The following VPS8 variants were observed in gnomAD, a reference collection of about 807,000 sequenced individuals.
The protein encoded by VPS8 is VPS8 subunit of CORVET complex, also known as vacuolar protein sorting-associated protein 8 homolog.
VPS8 carries 129 observed loss-of-function variants against 216.4 expected under a neutral mutation model. The ratio of observed to expected loss-of-function variants is 0.60; its 90% CI spans 0.52 to 0.69. The LOEUF is 0.69. Among genes scored for constraint, VPS8 ranks in the 30% least tolerant of loss-of-function variants. VPS8 has a pLI of 0.00. For missense variants in VPS8, 1,531 were observed against 1,683.5 expected (o/e 0.91, Z 1.59); for synonymous variants, 571 against 565.4 (o/e 1.01, Z -0.14).
intron 34 of VPS8, among the ~76,000 whole-genome samples, chr3:184,931,848 G>T (rs760719824): frequency 4.6e-5 from 7 of 151,814 alleles, no homozygotes; most frequent in Non-Finnish European, 7.4e-5. Flanking sequence ...GTTATATTAT[G>T]ATTCAGTTCT....
rs567532811 is a variant in VPS8, at chr3:184,840,058, G to A, written c.535+306G>A. The A allele has an allele frequency of 3.9e-5, 13 of 329,872 alleles. No homozygotes were observed. In the East Asian group the frequency reaches 8.0e-4, roughly 20 times the overall value. The allele number at this position is 329,872 out of a possible 1,614,324, so 20.4% of individuals were successfully genotyped here. On this transcript the variant is annotated intron_variant, in intron 7 of 47. Coordinates refer to ENST00000625842, the MANE Select transcript of VPS8 (RefSeq NM_001009921.3). ...TTGGGTTATCATCTTGTCTGCCTCC[G>A]GTTGTTGGTGGTGGGGATTTTTGAT...
intron 1 of VPS8, among the ~76,000 whole-genome samples, chr3:184,815,090 G>GT (rs1716019819): frequency 6.6e-6 from 1 of 152,120 alleles, no homozygotes; most frequent in Non-Finnish European, 1.5e-5. Context: ...TTTAGAGGCA[G>GT]TAACACATAG....
chr3:184,852,770 T>G (rs1380817850), intron 11 of VPS8, among the ~76,000 whole-genome samples: 2 of 152,188 alleles, frequency 1.3e-5, no homozygotes, highest in Non-Finnish European at 2.9e-5. Flanking sequence ...TCAGTAGGTC[T>G]GAGTTGAGAT....
At chr3:184,829,766 A>G (rs1719597128) in intron 3 of VPS8, among the ~76,000 whole-genome samples, 1 of 152,194 alleles carries the variant, frequency 6.6e-6, no homozygotes. Flanking sequence ...GTATTTCCCT[A>G]AAGACTAATG....
At chr3:184,953,733 T>A (rs1576965642) in intron 36 of VPS8, among the ~76,000 whole-genome samples, 1 of 152,318 alleles carries the variant, frequency 6.6e-6, no homozygotes, top group Non-Finnish European at 1.5e-5. Flanking sequence ...GTAAGCTGTT[T>A]CTTTGTTATC....
intron 46 of VPS8, among the ~76,000 whole-genome samples, chr3:185,034,824 G>A (rs1758663052): frequency 6.6e-6 from 1 of 151,858 alleles, no homozygotes; most frequent in Non-Finnish European, 1.5e-5. Context: ...TGATTCTTTG[G>A]AAAAGTAAAC....
In VPS8 at chr3:184,913,365, A is replaced by G. The variant is rs540639080; in HGVS notation, c.2147-154A>G. Among the ~76,000 whole-genome samples the G allele has an allele frequency of 1.1e-4, 16 of 152,328 alleles. No individual in the cohort carries two copies. The East Asian group carries it at 2.9e-3, about 28-fold the overall frequency. On this transcript the variant is annotated intron_variant, in intron 25 of 47. Transcript: ENST00000625842. ...GTGACAAGAATCTAATGGAAACTCA[A>G]AAGCCAATAAAGTGGTCTTAACTTC...
At position 184,842,186 on chromosome 3, in the gene VPS8, C is replaced by CAAAAAAAAAAAA. The variant is rs71162267; in HGVS notation, c.536-1042_536-1031dup. On this transcript the variant is annotated intron_variant, in intron 7 of 47. Transcript: ENST00000625842. Reference sequence around the variant, plus strand: ...TGGGTGACAGAGCGAGACTCCGTCTCAAAAAAAAAAAAAAAAAAAAAAAGA... The same window carrying CAAAAAAAAAAAA: ...TGGGTGACAGAGCGAGACTCCGTCTCAAAAAAAAAAAAAAAAAAAAAAAAAAAAAAAAAAAGA... 4.8e-3 allele frequency among the ~76,000 whole-genome samples: 233 copies of CAAAAAAAAAAAA among 48,932 alleles called. 14 individuals carry two copies. Among genetic ancestry groups the CAAAAAAAAAAAA allele is most frequent in the Middle Eastern group, 0.013 (1 of 78 alleles). 32.1% of individuals were successfully genotyped at this position (48,932 alleles called of 152,430 possible).
chr3:185,046,754 A>G (rs1713009630), intron 46 of VPS8, among the ~76,000 whole-genome samples: 1 of 152,228 alleles, frequency 6.6e-6, no homozygotes, highest in Admixed American at 6.5e-5. Context: ...AGAAACTGAG[A>G]CTGAGAGAAG....
At chr3:184,898,107 C>A (rs1733844836) in intron 23 of VPS8, among the ~76,000 whole-genome samples, 1 of 151,440 alleles carries the variant, frequency 6.6e-6, no homozygotes, top group South Asian at 2.1e-4. Context: ...GAGTATCTTC[C>A]CCAAGTCTTA....
intron 5 of VPS8, among the ~76,000 whole-genome samples, chr3:184,835,466 A>C (rs1020218751): frequency 1.3e-5 from 2 of 152,148 alleles, no homozygotes; most frequent in African/African-American, 4.8e-5. Flanking sequence ...AACGATATTT[A>C]ATGGTCCATA....
At chr3:184,853,472 A>C (rs1724685593) in intron 11 of VPS8, among the ~76,000 whole-genome samples, 1 of 152,224 alleles carries the variant, frequency 6.6e-6, no homozygotes, top group Middle Eastern at 3.2e-3. Flanking sequence ...GGCAGAGACC[A>C]TTCAGACACA....
intron 28 of VPS8, among the ~76,000 whole-genome samples, chr3:184,915,855 A>G (rs1737470651): frequency 6.6e-6 from 1 of 152,168 alleles, no homozygotes. Context: ...GAAAAATCCC[A>G]TAATTCTTAT....
In VPS8 at chr3:184,853,852, T is replaced by C. The variant is rs772252940; in HGVS notation, c.822-5T>C. ...TGATTCTGAATTTTCAAATTGCATTTTCAGGAGAGTGATGGGAGTGAGAAC... is the reference window on the plus strand; with the variant it reads ...TGATTCTGAATTTTCAAATTGCATTCTCAGGAGAGTGATGGGAGTGAGAAC... On this transcript the variant is annotated splice_polypyrimidine_tract_variant and splice_region_variant and intron_variant, in intron 11 of 47. Transcript: ENST00000625842. The C allele has an allele frequency of 2.2e-5, 34 of 1,562,670 alleles. No homozygotes were observed. In the Middle Eastern group the frequency reaches 3.7e-3, roughly 169 times the overall value.
At chr3:185,001,300 G>A (rs1211988581) in intron 45 of VPS8, among the ~76,000 whole-genome samples, 3 of 152,188 alleles carry the variant, frequency 2.0e-5, no homozygotes, top group African/African-American at 7.2e-5. Flanking sequence ...AAAGTACTCA[G>A]GCTACCTACT....
intron 40 of VPS8, 37 bp from the exon 41 acceptor site, chr3:184,982,529 C>T: frequency 2.0e-6 from 3 of 1,489,478 alleles, no homozygotes; most frequent in South Asian, 1.2e-5. Flanking sequence ...TTTCTTTGAC[C>T]ACTTTTCTTT....
At position 184,894,729 on chromosome 3, in the gene VPS8, A is replaced by G. The variant is rs1328820446; in HGVS notation, c.1808A>G (p.Asp603Gly). 1 of 1,605,346 alleles carries G rather than the reference A, an allele frequency of 6.2e-7. No individual in the cohort carries two copies. Among genetic ancestry groups the G allele is most frequent in the Non-Finnish European group, 8.5e-7 (1 of 1,175,326 alleles). Residue 603 changes from aspartate (D) to glycine (G), a missense_variant, in exon 23 of 48, where the codon GAT becomes GGT. Physicochemically the swap from Asp to Gly is moderately conservative, Grantham distance 94 (BLOSUM62 -1). Around this residue, in one of 3 missense-constraint regions of VPS8, gnomAD observed 1,318 missense variants for 1,468.4 expected, o/e 0.90. Transcript: ENST00000625842. ...RKDLLFSQMYDKLSENSVAKG... is the reference protein window; with the variant it reads ...RKDLLFSQMYGKLSENSVAKG... ...GATCTTTTATTTAGTCAGATGTATGATAAATTAAGTGAGAATTCAGTGGCC... is the reference window on the plus strand; with the variant it reads ...GATCTTTTATTTAGTCAGATGTATGGTAAATTAAGTGAGAATTCAGTGGCC...
intron 19 of VPS8, 39 bp downstream of exon 19, chr3:184,869,075 C>T (rs1316221229): frequency 9.0e-6 from 14 of 1,560,276 alleles, no homozygotes; most frequent in Non-Finnish European, 1.1e-5. Flanking sequence ...ACGTGGTTCT[C>T]CTGGAGTAGA....
At chr3:184,853,745 G>T in intron 11 of VPS8, 112 bp from the exon 12 acceptor site, 1 of 1,080,220 alleles carries the variant, frequency 9.3e-7, no homozygotes, top group South Asian at 1.5e-5. Context: ...AGCTTGGATT[G>T]TTGGGGGTTA....
Sources: allele counts gnomAD v4.1 joint callset (sites outside exome capture counted in the v4.1 genomes callset), GRCh38; gene constraint gnomAD v4.1.1; regional missense constraint gnomAD v4.1.1; transcripts MANE v1.5; gene names NCBI Gene and HGNC (gene_info 2026-07-23, HGNC 2026-07-21).